Variants in FGD4 observed in about 807,000 individuals in gnomAD.
The protein encoded by FGD4 is FYVE, RhoGEF and PH domain containing 4, also known as FYVE, RhoGEF and PH domain-containing protein 4.
A neutral mutation model predicts 102.0 loss-of-function variants in FGD4; 42 were observed. The observed-to-expected ratio is 0.41, with a 90% CI of 0.32 to 0.53. The LOEUF (loss-of-function observed/expected upper bound fraction) is 0.53, where lower values mean the gene tolerates loss of function less well. Ranked by LOEUF, FGD4 falls within the 20% of genes least tolerant of loss-of-function variation. The pLI, the probability that FGD4 is intolerant of heterozygous loss-of-function variation, is 0.21. For missense variants in FGD4, 902 were observed against 1,078.2 expected (o/e 0.84, Z 2.29); for synonymous variants, 380 against 375.7 (o/e 1.01, Z -0.13).
At chr12:32,528,359 A>G (rs112630787) in intron 1 of FGD4, among the ~76,000 whole-genome samples, 3,344 of 152,170 alleles carry the variant, frequency 0.022, 86 homozygotes, top group South Asian at 0.099. Context: ...AAAATGGCAT[A>G]GTGTTTGCAT....
chr12:32,452,778 C>T (rs539984424), intron 1 of FGD4, among the ~76,000 whole-genome samples: 1 of 152,134 alleles, frequency 6.6e-6, no homozygotes, highest in East Asian at 1.9e-4. Context: ...TGAGTGAGCC[C>T]AGGAGTTCAA....
chr12:32,477,104 A>G (rs879566938), intron 1 of FGD4, among the ~76,000 whole-genome samples: 2 of 152,210 alleles, frequency 1.3e-5, no homozygotes, highest in African/African-American at 2.4e-5. Flanking sequence ...CCTGGCCAAC[A>G]TGGCGAAACC....
At chr12:32,479,786 CTTT>C (rs559968024) in intron 1 of FGD4, among the ~76,000 whole-genome samples, 4 of 106,588 alleles carry the variant, frequency 3.8e-5, no homozygotes, top group Admixed American at 1.1e-4. Flanking sequence ...AAGCATTATT[CTTT>C]TTTTTTTTTT....
intron 3 of FGD4, among the ~76,000 whole-genome samples, chr12:32,578,164 C>T (rs753561967): frequency 4.0e-5 from 6 of 151,778 alleles, no homozygotes; most frequent in African/African-American, 9.7e-5. Flanking sequence ...AAGTTTGTTC[C>T]GAGTGCAAAT....
At chr12:32,581,515 AG>A (rs1946612807) in intron 3 of FGD4, among the ~76,000 whole-genome samples, 1 of 152,222 alleles carries the variant, frequency 6.6e-6, no homozygotes, top group Non-Finnish European at 1.5e-5. Context: ...TCATAAATTA[AG>A]GACTGGCTAC....
Position 32,611,161 on chromosome 12 carries a change from A to G in FGD4, c.1627A>G (p.Ile543Val). The change falls in exon 10 of 17, where the codon ATT (isoleucine) becomes GTT (valine). Residue 543 changes from isoleucine (I) to valine (V), a missense_variant. Coordinates refer to ENST00000534526, the MANE Select transcript of FGD4 (RefSeq NM_001370298.3). ...KMENLKKLLE[I>V]YEMLGEEEDI... ...GGAGAACCTAAAGAAACTCTTAGAG[A>G]TTTATGAAATGTTGGGAGAAGAAGA... The G allele has an allele frequency of 6.2e-7, 1 of 1,614,122 alleles. No homozygotes were observed. Among genetic ancestry groups the G allele is most frequent in the Non-Finnish European group, 8.5e-7 (1 of 1,180,022 alleles).
chr12:32,574,253 A>C (rs745410884), intron 2 of FGD4, among the ~76,000 whole-genome samples: 11 of 152,214 alleles, frequency 7.2e-5, no homozygotes, highest in Admixed American at 2.0e-4. Context: ...TTATTTCATA[A>C]CAATTTTAGC....
Position 32,540,038 on chromosome 12 carries a change from A to G in FGD4, c.167-24099A>G, listed in dbSNP as rs180983999. 3.9e-5 allele frequency among the ~76,000 whole-genome samples: 6 copies of G among 152,332 alleles called. No individual in the cohort carries two copies. The East Asian group carries it at 1.2e-3, about 29-fold the overall frequency. Reference sequence around the variant, plus strand: ...CTAATTTAGAGTGTAAAATAGCAAAATAAGAAATATCAAGGAAAAAAGGTA... The same window carrying G: ...CTAATTTAGAGTGTAAAATAGCAAAGTAAGAAATATCAAGGAAAAAAGGTA... On this transcript the variant is annotated intron_variant, in intron 1 of 16. Transcript: ENST00000534526.
intron 1 of FGD4, among the ~76,000 whole-genome samples, chr12:32,507,837 G>T (rs1938937625): frequency 6.6e-6 from 1 of 152,196 alleles, no homozygotes; most frequent in African/African-American, 2.4e-5. Context: ...AAGTTGTGCT[G>T]ACAATGATGG....
chr12:32,443,965 G>A (rs1024844695), intron 1 of FGD4, among the ~76,000 whole-genome samples: 1 of 150,884 alleles, frequency 6.6e-6, no homozygotes, highest in Non-Finnish European at 1.5e-5. Flanking sequence ...CTATGGAGAT[G>A]TAGTTCACAT....
intron 1 of FGD4, among the ~76,000 whole-genome samples, chr12:32,436,513 A>C (rs1260435977): frequency 1.3e-5 from 2 of 152,336 alleles, no homozygotes; most frequent in East Asian, 3.9e-4. Flanking sequence ...GTTTCAGAGG[A>C]AGCACTGGAG....
At chr12:32,599,494 C>CAAAAAAAAAAAAAAAAAAA (rs777429838) in intron 5 of FGD4, among the ~76,000 whole-genome samples, 17 of 19,672 alleles carry the variant, frequency 8.6e-4, no homozygotes, top group Non-Finnish European at 1.2e-3. Context: ...GACTCCGTCT[C>CAAAAAAAAAAAAAAAAAAA]AAAAAAAAAA....
chr12:32,402,180 G>A (rs2958121), intron 1 of FGD4, among the ~76,000 whole-genome samples: 2 of 137,728 alleles, frequency 1.5e-5, no homozygotes, highest in Non-Finnish European at 3.0e-5. Flanking sequence ...GGGGGCTCAC[G>A]CCTGTAATCC....
At chr12:32,550,227 GA>G (rs1290875417) in intron 1 of FGD4, among the ~76,000 whole-genome samples, 1 of 151,858 alleles carries the variant, frequency 6.6e-6, no homozygotes, top group African/African-American at 2.4e-5. Context: ...GGGAGAAAAA[GA>G]AAAAAACAAA....
intron 1 of FGD4, among the ~76,000 whole-genome samples, chr12:32,543,069 C>T (rs1440929431): frequency 2.0e-5 from 3 of 152,176 alleles, no homozygotes; most frequent in African/African-American, 7.2e-5. Flanking sequence ...GTAGTTCTGA[C>T]TGACTCACCG....
intron 1 of FGD4, among the ~76,000 whole-genome samples, chr12:32,459,704 T>C (rs1270172352): frequency 2.0e-5 from 3 of 152,108 alleles, no homozygotes; most frequent in Admixed American, 2.0e-4. Context: ...TTCTTTTTTT[T>C]TTTTCTAAAT....
chr12:32,502,920 A>G (rs796769059), intron 1 of FGD4, among the ~76,000 whole-genome samples: 14 of 152,356 alleles, frequency 9.2e-5, no homozygotes, highest in African/African-American at 3.4e-4. Flanking sequence ...AGGAAGGGCA[A>G]GACAAGGAAG....
intron 1 of FGD4, among the ~76,000 whole-genome samples, chr12:32,537,104 T>C (rs1942347324): frequency 6.6e-6 from 1 of 152,072 alleles, no homozygotes; most frequent in Non-Finnish European, 1.5e-5. Context: ...GAGACAGGGT[T>C]TCACCGTGTT....
chr12:32,630,555 C>T (rs1445627320), intron 14 of FGD4, among the ~76,000 whole-genome samples: 1 of 151,996 alleles, frequency 6.6e-6, no homozygotes, highest in African/African-American at 2.4e-5. Flanking sequence ...TGGCTCATGC[C>T]TGTAATCCCA....
Sources: gnomAD v4.1 joint callset for allele counts (sites outside exome capture counted in the v4.1 genomes callset) on GRCh38, gnomAD v4.1.1 for gene constraint, MANE v1.5 for transcripts, NCBI Gene and HGNC (gene_info 2026-07-23, HGNC 2026-07-21) for gene names.